LCOR: variants seen among roughly 807,000 people sequenced by gnomAD.
LCOR encodes the protein ligand dependent nuclear receptor corepressor.
A neutral mutation model predicts 64.4 loss-of-function variants in LCOR; 14 were observed. The observed-to-expected ratio is 0.22, with a 90% confidence interval of 0.14 to 0.34. The LOEUF is 0.34. LCOR is among the 10% of genes least tolerant of loss of function. The probability of loss-of-function intolerance (pLI) is 1.00; values close to 1 mark genes in which losing one functional copy is unlikely to be tolerated. For synonymous variants in LCOR, 643 were observed against 642.5 expected (o/e 1.00, Z -0.01); for missense variants, 1,686 against 1,765.3 (o/e 0.96, Z 0.80).
At chr10:96,897,737 C>CA (rs1353732048) in intron 2 of LCOR, among the ~76,000 whole-genome samples, 2 of 151,802 alleles carry the variant, frequency 1.3e-5, no homozygotes, top group South Asian at 2.1e-4. Flanking sequence ...CAGCTTTCCG[C>CA]AAAAAAAGTT....
intron 2 of LCOR, among the ~76,000 whole-genome samples, chr10:96,853,780 A>G (rs1437189503): frequency 6.6e-6 from 1 of 152,206 alleles, no homozygotes; most frequent in African/African-American, 2.4e-5. Flanking sequence ...TTATAAAGAA[A>G]AGAGGTTTAA....
At position 96,983,119 on chromosome 10, in the gene LCOR, A is replaced by G. The variant is rs1848108940; in HGVS notation, c.2659A>G (p.Ser887Gly). The change falls in exon 8 of 8, where the codon AGT becomes GGT. Residue 887 changes from serine to glycine, a missense_variant. Physicochemically the swap from Ser to Gly is moderately conservative, Grantham distance 56. Transcript: ENST00000421806. The surrounding 1 kb of genome is among the most constrained non-coding windows in gnomAD (Gnocchi z 4.5). The stretch of plus-strand genomic sequence containing the variant: ...AACTCTGGAGGACACAGAAAAGCCA[A>G]GTGTCAATGAACGCCCCTCTGAGAA... ...TETLEDTEKP[S>G]VNERPSEKDA... The G allele has an allele frequency of 1.2e-6, 2 of 1,613,572 alleles. No homozygotes were observed. The highest frequency in any genetic ancestry group is 1.1e-5 in the South Asian group (1 of 91,080).
intron 4 of LCOR, among the ~76,000 whole-genome samples, chr10:96,916,232 C>G (rs188124958): frequency 2.0e-5 from 3 of 152,096 alleles, no homozygotes; most frequent in Admixed American, 2.0e-4. Context: ...GGGGTTTCAC[C>G]TTGTTAGCCA....
chr10:96,916,311 G>T (rs1239742397), intron 4 of LCOR, among the ~76,000 whole-genome samples: 1 of 152,006 alleles, frequency 6.6e-6, no homozygotes, highest in African/African-American at 2.4e-5. Context: ...GATTACAGGC[G>T]TGAGCCACCA....
chr10:96,957,291 A>G (rs1286963173), intron 7 of LCOR: 20 of 985,172 alleles, frequency 2.0e-5, no homozygotes, highest in Non-Finnish European at 2.4e-5. Flanking sequence ...TGTTTAGCAC[A>G]CAGTTCAGGA....
chr10:96,915,741 C>G, intron 4 of LCOR: 2 of 648,672 alleles, frequency 3.1e-6, no homozygotes, highest in East Asian at 6.6e-5. Context: ...TCCTTTTTCC[C>G]TTTGGGTACC....
intron 7 of LCOR, among the ~76,000 whole-genome samples, chr10:96,972,079 A>G (rs918403873): frequency 6.6e-6 from 1 of 152,176 alleles, no homozygotes; most frequent in African/African-American, 2.4e-5. Flanking sequence ...TAATTCTTAT[A>G]GCACCCCAGA....
In LCOR at chr10:96,993,885, A is replaced by G. The variant is rs1848221810; in HGVS notation, c.*8751A>G. The G allele has an allele frequency of 6.6e-6, 1 of 152,010 alleles. No homozygotes were observed. Among genetic ancestry groups the G allele is most frequent in the South Asian group, 2.1e-4 (1 of 4,818 alleles). The allele number at this position is 152,010 out of a possible 1,614,324, so 9.4% of individuals were successfully genotyped here. The stretch of plus-strand genomic sequence containing the variant: ...AAGCAATAAGATCCTAGGTAATAAC[A>G]TTTATTCCAGGGCCCACATTGGCCC... On this transcript the variant is annotated 3_prime_UTR_variant, in exon 8 of 8. Coordinates refer to ENST00000421806, the MANE Select transcript of LCOR (RefSeq NM_001346516.2).
chr10:96,912,715 T>C (rs1375313277), intron 4 of LCOR, among the ~76,000 whole-genome samples: 4 of 151,856 alleles, frequency 2.6e-5, no homozygotes, highest in African/African-American at 7.3e-5. Flanking sequence ...TTTGTAAATA[T>C]CTTCTTTTTT....
rs1190023890 is a variant in LCOR at position 96,920,502 on chromosome 10, ATATG to A, written c.-184+12763_-184+12766del. 3.8e-3 allele frequency among the ~76,000 whole-genome samples: 547 copies of A among 143,296 alleles called. 7 individuals are homozygous for A. The highest frequency in any genetic ancestry group is 8.3e-3 in the African/African-American group (311 of 37,334). 94.0% of individuals were successfully genotyped at this position (143,296 alleles called of 152,430 possible). On this transcript the variant is annotated intron_variant, in intron 4 of 7. Transcript: ENST00000421806. ...TATGTATATTCATATATATGTGTAT[ATATG>A]TATGTATATTCAGATATATGTGTAT...
At position 96,900,299 on chromosome 10, in the gene LCOR, T is replaced by G. The variant is rs142108820; in HGVS notation, c.-329-6966T>G. 5.1e-3 allele frequency among the ~76,000 whole-genome samples: 783 copies of G among 152,084 alleles called. 4 individuals carry two copies. The highest frequency in any genetic ancestry group is 0.027 in the Middle Eastern group (8 of 294). On this transcript the variant is annotated intron_variant, in intron 2 of 7. Transcript: ENST00000421806. ...CATTTTGTTTATCACAGATTACCTC[T>G]TAATATACAATAATTAAAATTTTAG...
intron 2 of LCOR, among the ~76,000 whole-genome samples, chr10:96,844,029 A>G (rs1433249579): frequency 1.3e-5 from 2 of 152,058 alleles, no homozygotes; most frequent in East Asian, 3.8e-4. Flanking sequence ...ACTCAGCTAA[A>G]ATGTGGTAGA....
At chr10:96,927,472 ATG>A (rs1329354233) in intron 4 of LCOR, among the ~76,000 whole-genome samples, 2 of 151,714 alleles carry the variant, frequency 1.3e-5, no homozygotes, top group Non-Finnish European at 2.9e-5. Flanking sequence ...TTTTATCTCA[ATG>A]AAGTTTATCA....
chr10:96,888,910 A>G (rs1282239969), intron 2 of LCOR, among the ~76,000 whole-genome samples: 1 of 152,220 alleles, frequency 6.6e-6, no homozygotes, highest in Non-Finnish European at 1.5e-5. Context: ...GGAATCATAC[A>G]CTGTGTAACC....
At chr10:96,914,996 A>G (rs1442517888) in intron 4 of LCOR, among the ~76,000 whole-genome samples, 2 of 152,194 alleles carry the variant, frequency 1.3e-5, no homozygotes, top group African/African-American at 2.4e-5. Context: ...AGACATAAAG[A>G]TGCATTTGTT....
intron 7 of LCOR, chr10:96,958,471 A>T: frequency 1.0e-6 from 1 of 977,036 alleles, no homozygotes; most frequent in Non-Finnish European, 1.6e-6. Flanking sequence ...GCAGTTTAAG[A>T]GAACTTGTAT....
At chr10:96,980,710 T>C in intron 7 of LCOR, 83 bp from the exon 8 acceptor site, 1 of 600,324 alleles carries the variant, frequency 1.7e-6, no homozygotes, top group Non-Finnish European at 2.9e-6. Context: ...ATAAAATGAA[T>C]AACGTTGGGT....
intron 2 of LCOR, among the ~76,000 whole-genome samples, chr10:96,838,692 G>T (rs1345633133): frequency 1.3e-5 from 2 of 152,172 alleles, no homozygotes; most frequent in Admixed American, 6.6e-5. Context: ...ACACTGCATT[G>T]TGTGGACATA....
At chr10:96,978,562 G>A (rs771682694) in intron 7 of LCOR, among the ~76,000 whole-genome samples, 1 of 152,130 alleles carries the variant, frequency 6.6e-6, no homozygotes, top group African/African-American at 2.4e-5. Flanking sequence ...GGTATCATTG[G>A]AAAGTATGAG....
Sources: allele counts gnomAD v4.1 joint callset (sites outside exome capture counted in the v4.1 genomes callset), GRCh38; gene constraint gnomAD v4.1.1; non-coding constraint Gnocchi (gnomAD v3.1); transcripts MANE v1.5; gene names NCBI Gene and HGNC (gene_info 2026-07-23, HGNC 2026-07-21).